The following NFATC4 variants were observed in gnomAD, a reference collection of about 807,000 sequenced individuals.
The protein encoded by NFATC4 is nuclear factor of activated T cells 4.
A neutral mutation model predicts 73.4 loss-of-function variants in NFATC4; 25 were observed. The ratio of observed to expected loss-of-function variants is 0.34; its 90% CI spans 0.25 to 0.48. NFATC4 has a LOEUF of 0.48. Ranked by LOEUF, NFATC4 falls within the 20% of genes least tolerant of loss-of-function variation. The pLI is 0.99. For synonymous variants in NFATC4, 523 were observed against 510.3 expected, an observed-to-expected ratio of 1.02 and a Z score of -0.34; for missense variants, 1,130 against 1,203.7, an observed-to-expected ratio of 0.94 and a Z score of 0.91.
At position 24,368,210 on chromosome 14, in the gene NFATC4, G is replaced by A; in HGVS notation, c.-131G>A. 7.7e-7 allele frequency: 1 copy of A among 1,302,166 alleles called. No homozygotes were observed. The allele number at this position is 1,302,166 out of a possible 1,614,324, so 80.7% of individuals were successfully genotyped here. ...TATAATAACGAGGGGGCTTCTGGAGGGAGGCGGCAGCGACGGAGGAGGGGG... is the reference window on the plus strand; with the variant it reads ...TATAATAACGAGGGGGCTTCTGGAGAGAGGCGGCAGCGACGGAGGAGGGGG... On this transcript the variant is annotated 5_prime_UTR_variant, in exon 1 of 10. Transcript: ENST00000250373.
At chr14:24,367,203 C>T, upstream of NFATC4, 1 of 1,613,966 alleles carries the variant, frequency 6.2e-7, no homozygotes, top group East Asian at 2.2e-5. Flanking sequence ...CTTCCTTCCT[C>T]CTCCAGCCCA....
chr14:24,377,419 G>T lies in NFATC4; in HGVS notation c.2642-219G>T. ...AGCCAGCAGGAAAGGGCTAGGACGG[G>T]TGCCTGGGAGCCCACATGGAGGGAG... On this transcript the variant is annotated intron_variant, in intron 9 of 9. Coordinates refer to ENST00000250373, the MANE Select transcript of NFATC4 (RefSeq NM_004554.5). This position sits in a 1 kb window ranked among gnomAD's most constrained non-coding sequence, Gnocchi z 4.2. The T allele has an allele frequency of 1.4e-6, 2 of 1,418,290 alleles. No homozygotes were observed. The highest frequency in any genetic ancestry group is 1.8e-6 in the Non-Finnish European group (2 of 1,089,812). The allele number at this position is 1,418,290 out of a possible 1,614,324, so 87.9% of individuals were successfully genotyped here. A position where few individuals can be genotyped will look rare whatever the true frequency, so the allele number is the denominator to read the frequency against.
intron 3 of NFATC4, 83 bp downstream of exon 3, chr14:24,372,686 C>T: frequency 1.3e-6 from 2 of 1,541,872 alleles, no homozygotes; most frequent in Non-Finnish European, 1.8e-6. Context: ...ACTGCCCTTT[C>T]CCACACTCCC....
rs1184261195 is a variant in NFATC4 at position 24,378,791 on chromosome 14, G to C, written c.*1086G>C. On this transcript the variant is annotated 3_prime_UTR_variant, in exon 10 of 10. Coordinates refer to ENST00000250373, the MANE Select transcript of NFATC4 (RefSeq NM_004554.5). ...CCTATCCTGCAAATATGCCCATGCT[G>C]GCCTTCTAAATAGCTGGTACATCCA... 1 of 152,344 alleles carries C rather than the reference G, an allele frequency of 6.6e-6. No homozygotes were observed. The highest frequency in any genetic ancestry group is 1.5e-5 in the Non-Finnish European group (1 of 68,162). 9.4% of individuals were successfully genotyped at this position (152,344 alleles called of 1,614,324 possible).
At position 24,375,727 on chromosome 14, in the gene NFATC4, A is replaced by G. The variant is rs376299839; in HGVS notation, c.1929+12A>G. On this transcript the variant is annotated intron_variant, in intron 7 of 9. Transcript: ENST00000250373. ...TGCAGAGCAACGAGGTACCAGTGTC[A>G]CTTGGATACCTCCTGGGGGGCGGGG... is the stretch of plus-strand genomic sequence containing the variant. 101 of 667,428 alleles carry G rather than the reference A, an allele frequency of 1.5e-4. No individual in the cohort carries two copies. Among genetic ancestry groups the G allele is most frequent in the Non-Finnish European group, 2.3e-4 (93 of 409,604 alleles). 41.3% of individuals were successfully genotyped at this position (667,428 alleles called of 1,614,324 possible). A position where few individuals can be genotyped will look rare whatever the true frequency, so the allele number is the denominator to read the frequency against.
At chr14:24,368,784 GC>G (rs1341469120) in intron 1 of NFATC4, among the ~76,000 whole-genome samples, 48 of 152,154 alleles carry the variant, frequency 3.2e-4, no homozygotes, top group African/African-American at 1.1e-3. Context: ...CTGGCCCCTG[GC>G]GGACCGAGCT....
intron 3 of NFATC4, chr14:24,372,808 A>T: frequency 1.5e-6 from 1 of 646,918 alleles, no homozygotes; most frequent in Non-Finnish European, 2.7e-6. Context: ...CACTCAGCTC[A>T]TCCCATGGGA....
rs1233125796 is a variant in NFATC4 at position 24,376,636 on chromosome 14, C to T, written c.2399C>T (p.Ser800Phe). The T allele has an allele frequency of 6.2e-7, 1 of 1,613,506 alleles. No individual in the cohort carries two copies. Among genetic ancestry groups the T allele is most frequent in the South Asian group, 1.1e-5 (1 of 91,052 alleles). Residue 800 changes from serine (S) to phenylalanine (F), a missense_variant, in exon 9 of 10, where the codon TCC becomes TTC. By Grantham distance (155) the Ser-to-Phe change is radical. Coordinates refer to ENST00000250373, the MANE Select transcript of NFATC4 (RefSeq NM_004554.5). This position sits in a 1 kb window ranked among gnomAD's most constrained non-coding sequence, Gnocchi z 5.0. ...DPYGGRGSSFSLGLPFSPPAP... is the reference protein window; with the variant it reads ...DPYGGRGSSFFLGLPFSPPAP... Reference sequence around the variant, plus strand: ...TATGGAGGGCGGGGCTCCTCTTTCTCCCTGGGGCTGCCATTCTCTCCGCCA... The same window carrying T: ...TATGGAGGGCGGGGCTCCTCTTTCTTCCTGGGGCTGCCATTCTCTCCGCCA...
At chr14:24,368,055 C>CG, upstream of NFATC4, 1 of 1,080,666 alleles carries the variant, frequency 9.3e-7, no homozygotes, top group Non-Finnish European at 1.1e-6. Flanking sequence ...TGGGGGAGGA[C>CG]GAGGGGCGCG....
upstream of NFATC4, chr14:24,367,242 G>A (rs767634915): frequency 2.9e-5 from 46 of 1,610,660 alleles, no homozygotes; most frequent in East Asian, 6.0e-4. Flanking sequence ...TGTTGGGGGC[G>A]GGGGGGCCAA....
rs529403337 is a variant in NFATC4 at position 24,373,171 on chromosome 14, C to G, written c.1360C>G (p.Leu454Val). ...AAPGGHPVVK[L>V]LGYSEKPLTL... The stretch of plus-strand genomic sequence containing the variant: ...GGTGGCCGCTCTCTCCCTCTGCCAG[C>G]TCCTAGGCTACAGTGAGAAGCCACT... Residue 454 changes from leucine (L) to valine (V), a missense_variant and splice_region_variant, in exon 4 of 10, where the codon CTC becomes GTC. Transcript: ENST00000250373. The surrounding 1 kb of genome is among the most constrained non-coding windows in gnomAD (Gnocchi z 4.7). 1 of 1,613,918 alleles carries G rather than the reference C, an allele frequency of 6.2e-7. No homozygotes were observed. Among genetic ancestry groups the G allele is most frequent in the South Asian group, 1.1e-5 (1 of 91,074 alleles).
intron 1 of NFATC4, 39 bp downstream of exon 1, chr14:24,368,479 G>A: frequency 8.0e-7 from 1 of 1,256,804 alleles, no homozygotes; most frequent in Non-Finnish European, 1.0e-6. Context: ...GGGTCAGTGA[G>A]AGGAGGGCCG....
At position 24,370,022 on chromosome 14, in the gene NFATC4, C is replaced by T. The variant is rs1594703590; in HGVS notation, c.624C>T (p.Arg208=). ...VESELNEAAS[R]FGLGSPLPSP... The stretch of plus-strand genomic sequence containing the variant: ...CTGAGCTAAATGAGGCGGCCTCCCG[C>T]TTTGGCCTGGGCTCCCCGCTGCCCT... The change falls in exon 2 of 10, where the codon CGC becomes CGT. Residue 208 remains arginine, a synonymous_variant. Coordinates refer to ENST00000250373, the MANE Select transcript of NFATC4 (RefSeq NM_004554.5). 1 of 1,612,124 alleles carries T rather than the reference C, an allele frequency of 6.2e-7. No individual in the cohort carries two copies. Among genetic ancestry groups the T allele is most frequent in the East Asian group, 2.2e-5 (1 of 44,876 alleles).
At position 24,378,663 on chromosome 14, in the gene NFATC4, GA is replaced by G. The variant is rs1393216076; in HGVS notation, c.*961del. ...TCCTGGGGATTATGAAGATATTCTG[GA>G]AAGATTTGTGCTTCAGAGGTAGACT... On this transcript the variant is annotated 3_prime_UTR_variant, in exon 10 of 10. Transcript: ENST00000250373. The G allele has an allele frequency of 6.6e-6, 1 of 152,256 alleles. No individual in the cohort carries two copies. The highest frequency in any genetic ancestry group is 1.5e-5 in the Non-Finnish European group (1 of 68,058). 9.4% of individuals were successfully genotyped at this position (152,256 alleles called of 1,614,324 possible). A position where few individuals can be genotyped will look rare whatever the true frequency, so the allele number is the denominator to read the frequency against.
In NFATC4 at chr14:24,369,886, G is replaced by T; in HGVS notation, c.488G>T (p.Gly163Val). Residue 163 changes from glycine to valine, a missense_variant, in exon 2 of 10, where the codon GGG (glycine) becomes GTG (valine). By Grantham distance (109) the Gly-to-Val change is moderately radical. Around this residue, in one of 3 missense-constraint regions of NFATC4, gnomAD observed 585 missense variants for 574.3 expected, o/e 1.02. Transcript: ENST00000250373. ...GGYREAGGQG[G>V]GAFFSPSPGS... ...TACAGAGAAGCAGGGGGCCAGGGTG[G>T]GGGGGCCTTCTTCAGCCCAAGCCCT... 1 of 1,611,210 alleles carries T rather than the reference G, an allele frequency of 6.2e-7. No individual in the cohort carries two copies. The highest frequency in any genetic ancestry group is 8.5e-7 in the Non-Finnish European group (1 of 1,179,120).
At chr14:24,368,473 C>A in intron 1 of NFATC4, 33 bp downstream of exon 1, 1 of 1,254,658 alleles carries the variant, frequency 8.0e-7, no homozygotes, top group South Asian at 3.6e-5. Context: ...GTCTTGGGGT[C>A]AGTGAGAGGA....
At chr14:24,368,482 G>T in intron 1 of NFATC4, 42 bp downstream of exon 1, 1 of 1,254,868 alleles carries the variant, frequency 8.0e-7, no homozygotes, top group Non-Finnish European at 1.0e-6. Context: ...TCAGTGAGAG[G>T]AGGGCCGGGG....
In NFATC4 at chr14:24,369,589, C is replaced by T. The variant is rs1260555053; in HGVS notation, c.191C>T (p.Pro64Leu). Residue 64 changes from proline to leucine, a missense_variant, in exon 2 of 10, where the codon CCT (proline) becomes CTT (leucine). Pro to Leu is a moderately conservative substitution (Grantham distance 98). Coordinates refer to ENST00000250373, the MANE Select transcript of NFATC4 (RefSeq NM_004554.5). ...GCTGCACCTATCGGTATTCCCCGAC[C>T]TCCACCCCCTCGGCCTGGCATGCAT... is the stretch of plus-strand genomic sequence containing the variant. ...YGAAPIGIPRPPPPRPGMHSP... is the reference protein window; with the variant it reads ...YGAAPIGIPRLPPPRPGMHSP... 1 of 1,613,240 alleles carries T rather than the reference C, an allele frequency of 6.2e-7. No individual in the cohort carries two copies.
At chr14:24,371,651 T>C (rs1280637505) in intron 2 of NFATC4, 1 of 152,622 alleles carries the variant, frequency 6.6e-6, no homozygotes. Context: ...TGCTCAGTCC[T>C]AGGTCTGTCA....
Sources: allele counts gnomAD v4.1 joint callset (sites outside exome capture counted in the v4.1 genomes callset), GRCh38; gene constraint gnomAD v4.1.1; regional missense constraint gnomAD v4.1.1; non-coding constraint Gnocchi (gnomAD v3.1); transcripts MANE v1.5; gene names NCBI Gene and HGNC (gene_info 2026-07-23, HGNC 2026-07-21).